Variants in CFAP54 observed in about 807,000 individuals in gnomAD.
The protein encoded by CFAP54 is cilia- and flagella-associated protein 54.
In CFAP54, 290 loss-of-function variants were observed where a neutral mutation model predicts 370.4. The observed-to-expected ratio is 0.78, with a 90% CI of 0.71 to 0.86. CFAP54 has a LOEUF of 0.86. Among genes scored for constraint, CFAP54 ranks in the 40% least tolerant of loss-of-function variants. The probability of loss-of-function intolerance (pLI) is 0.00; values close to 1 mark genes in which losing one functional copy is unlikely to be tolerated. For synonymous variants in CFAP54, 1,206 were observed against 1,236.5 expected, an observed-to-expected ratio of 0.98 and a Z score of 0.52; for missense variants, 3,399 against 3,528.7, an observed-to-expected ratio of 0.96 and a Z score of 0.93.
intron 34 of CFAP54, among the ~76,000 whole-genome samples, chr12:96,648,240 A>G (rs1010431720): frequency 5.6e-4 from 86 of 152,326 alleles, no homozygotes; most frequent in African/African-American, 2.0e-3. Context: ...GGAAATATCT[A>G]TTTTGTATTT....
At chr12:96,759,113 A>G (rs1372460670) in intron 58 of CFAP54, among the ~76,000 whole-genome samples, 1 of 152,132 alleles carries the variant, frequency 6.6e-6, no homozygotes, top group Non-Finnish European at 1.5e-5. Context: ...CATAAACATG[A>G]TTTAAAACCT....
chr12:96,536,533 A>G (rs1485190759), intron 12 of CFAP54, among the ~76,000 whole-genome samples: 1 of 152,118 alleles, frequency 6.6e-6, no homozygotes, highest in Non-Finnish European at 1.5e-5. Context: ...TAAATAAATT[A>G]TTACAGTGGG....
At chr12:96,822,250 T>G (rs1959042898) in intron 65 of CFAP54, among the ~76,000 whole-genome samples, 1 of 152,172 alleles carries the variant, frequency 6.6e-6, no homozygotes, top group South Asian at 2.1e-4. Context: ...ATATGGAAGA[T>G]GCAAAACACC....
chr12:96,664,736 T>TCC (rs1565934338), intron 39 of CFAP54, among the ~76,000 whole-genome samples: 1 of 26,650 alleles, frequency 3.8e-5, no homozygotes, highest in African/African-American at 1.6e-4. Context: ...TATATATATA[T>TCC]ATCTATATAT....
chr12:96,829,178 A>G (rs1039409372), intron 66 of CFAP54, 90 bp downstream of exon 66: 1 of 677,996 alleles, frequency 1.5e-6, no homozygotes, highest in Non-Finnish European at 2.4e-6. Context: ...AATTGTAAGT[A>G]TCAAGGGCCT....
In CFAP54 at chr12:96,753,725, G is replaced by T; in HGVS notation, c.7685-18G>T. ...GTGTATTTTTTTGTTCTTCCCCACCGAACTGTTTTTCTTTTAGGACATACA... is the reference window on the plus strand; with the variant it reads ...GTGTATTTTTTTGTTCTTCCCCACCTAACTGTTTTTCTTTTAGGACATACA... On this transcript the variant is annotated intron_variant, in intron 55 of 67. Transcript: ENST00000524981. 2 of 1,607,076 alleles carry T rather than the reference G, an allele frequency of 1.2e-6. No homozygotes were observed. Among genetic ancestry groups the T allele is most frequent in the Non-Finnish European group, 1.7e-6 (2 of 1,175,592 alleles).
In CFAP54 at chr12:96,826,538, A is replaced by T. The variant is rs574757246; in HGVS notation, c.9097-2476A>T. Among the ~76,000 whole-genome samples the T allele has an allele frequency of 3.6e-3, 349 of 97,902 alleles. 3 individuals are homozygous for T. Among genetic ancestry groups the T allele is most frequent in the African/African-American group, 0.014 (332 of 24,286 alleles). The allele number at this position is 97,902 out of a possible 152,430, so 64.2% of individuals were successfully genotyped here. ...AAATATATAATATATTATATATTAT[A>T]TATATAATTTATATATAATATATAA... On this transcript the variant is annotated intron_variant, in intron 65 of 67. Coordinates refer to ENST00000524981, the MANE Select transcript of CFAP54 (RefSeq NM_001306084.2).
intron 56 of CFAP54, among the ~76,000 whole-genome samples, chr12:96,754,244 T>G (rs183147703): frequency 6.6e-6 from 1 of 152,324 alleles, no homozygotes; most frequent in East Asian, 1.9e-4. Context: ...TTCTGCATCA[T>G]TTCATTACTT....
At chr12:96,657,252 C>T (rs1956931559) in intron 36 of CFAP54, among the ~76,000 whole-genome samples, 1 of 152,166 alleles carries the variant, frequency 6.6e-6, no homozygotes, top group Admixed American at 6.5e-5. Flanking sequence ...ACTCATAGGA[C>T]ATGCACACTA....
chr12:96,654,118 A>G (rs1956893113), intron 36 of CFAP54, among the ~76,000 whole-genome samples: 1 of 152,230 alleles, frequency 6.6e-6, no homozygotes. Context: ...ACCTTCACAT[A>G]AAGAAAATTC....
chr12:96,602,540 A>T (rs188432876), intron 26 of CFAP54, among the ~76,000 whole-genome samples: 76 of 152,270 alleles, frequency 5.0e-4, no homozygotes, highest in African/African-American at 1.7e-3. Context: ...TGATCAGTCT[A>T]ATATTGACAG....
intron 66 of CFAP54, among the ~76,000 whole-genome samples, chr12:96,850,159 A>G (rs1959495950): frequency 6.7e-6 from 1 of 150,264 alleles, no homozygotes; most frequent in South Asian, 2.1e-4. Context: ...CGGGCAGATC[A>G]CTTGAGGTGA....
intron 39 of CFAP54, among the ~76,000 whole-genome samples, chr12:96,679,178 C>T (rs913854625): frequency 1.3e-5 from 2 of 152,166 alleles, no homozygotes; most frequent in Non-Finnish European, 2.9e-5. Flanking sequence ...TCCTTCCCTT[C>T]CGAGAGCAGA....
At chr12:96,851,306 G>T (rs117634317) in intron 66 of CFAP54, among the ~76,000 whole-genome samples, 2,413 of 151,994 alleles carry the variant, frequency 0.016, 20 homozygotes, top group Middle Eastern at 0.072. Context: ...TTAATATTTA[G>T]TAAAATGTTT....
Position 96,792,483 on chromosome 12 carries a change from A to C in CFAP54, c.8834A>C (p.Lys2945Thr). ...WYIPPLDRPP[K>T]ETEPMVLLLY... ...ATTCCTCCCCTGGATAGACCTCCCA[A>C]GGAGACAGAACCTATGGTATGTAAT... Residue 2945 changes from lysine to threonine, a missense_variant, in exon 63 of 68, where the codon AAG (lysine) becomes ACG (threonine). Physicochemically the swap from Lys to Thr is moderately conservative, Grantham distance 78. This residue lies in a region of CFAP54 where 2,796 missense variants were observed against 2,869.7 expected (regional missense o/e 0.97). Coordinates refer to ENST00000524981, the MANE Select transcript of CFAP54 (RefSeq NM_001306084.2). 6.5e-7 allele frequency: 1 copy of C among 1,535,014 alleles called. No individual in the cohort carries two copies. The highest frequency in any genetic ancestry group is 8.7e-7 in the Non-Finnish European group (1 of 1,146,202).
At chr12:96,723,626 A>G (rs976983622) in intron 50 of CFAP54, among the ~76,000 whole-genome samples, 7 of 152,006 alleles carry the variant, frequency 4.6e-5, no homozygotes, top group African/African-American at 1.7e-4. Context: ...AGAGAATGGG[A>G]AGAGAGAAAC....
chr12:96,614,880 A>G (rs1373524280), intron 26 of CFAP54, among the ~76,000 whole-genome samples: 1 of 152,254 alleles, frequency 6.6e-6, no homozygotes, highest in Non-Finnish European at 1.5e-5. Flanking sequence ...CAAATGGAAG[A>G]ACATTCCATG....
chr12:96,749,523 A>G (rs1958159551), intron 55 of CFAP54, among the ~76,000 whole-genome samples: 1 of 152,212 alleles, frequency 6.6e-6, no homozygotes, highest in African/African-American at 2.4e-5. Flanking sequence ...TGTAAGCACT[A>G]TTGAGTGTTG....
intron 43 of CFAP54, among the ~76,000 whole-genome samples, chr12:96,689,183 C>T (rs969670822): frequency 7.3e-5 from 11 of 151,474 alleles, no homozygotes; most frequent in South Asian, 2.1e-4. Context: ...TTTTTTGAGA[C>T]GGAGTCTCAC....
Sources: gnomAD v4.1 joint callset for allele counts (sites outside exome capture counted in the v4.1 genomes callset) on GRCh38, gnomAD v4.1.1 for gene constraint, gnomAD v4.1.1 regional missense constraint, MANE v1.5 for transcripts, NCBI Gene and HGNC (gene_info 2026-07-23, HGNC 2026-07-21) for gene names.